The following CSMD3 variants were observed in gnomAD, a reference collection of about 807,000 sequenced individuals.
CSMD3 encodes CUB and Sushi multiple domains 3, also known as CUB and sushi domain-containing protein 3.
CSMD3 carries 177 observed loss-of-function variants against 435.2 expected under a neutral mutation model. The ratio of observed to expected loss-of-function variants is 0.41; its 90% CI spans 0.36 to 0.46. The LOEUF (loss-of-function observed/expected upper bound fraction) is 0.46, where lower values mean the gene tolerates loss of function less well. Ranked by LOEUF, CSMD3 falls within the 20% of genes least tolerant of loss-of-function variation. CSMD3 has a pLI of 0.34. For synonymous variants in CSMD3, 1,656 were observed against 1,520.5 expected (o/e 1.09, Z -2.07); for missense variants, 4,265 against 4,504.6 (o/e 0.95, Z 1.52).
chr8:112,244,068 G>A (rs967689673), intron 65 of CSMD3, among the ~76,000 whole-genome samples: 5 of 152,100 alleles, frequency 3.3e-5, no homozygotes, highest in Non-Finnish European at 1.5e-5. Flanking sequence ...TCAGAATTGT[G>A]AAGGAATAAA....
chr8:112,394,746 C>T (rs1351942845), intron 35 of CSMD3, among the ~76,000 whole-genome samples: 1 of 152,186 alleles, frequency 6.6e-6, no homozygotes, highest in Non-Finnish European at 1.5e-5. Context: ...AGCATTCTCA[C>T]TCCCCAAAAG....
chr8:112,693,497 C>A (rs1306747519), intron 13 of CSMD3, among the ~76,000 whole-genome samples: 6 of 152,004 alleles, frequency 3.9e-5, no homozygotes, highest in African/African-American at 1.4e-4. Flanking sequence ...ATTATCCATC[C>A]ACTATTCCTG....
intron 27 of CSMD3, among the ~76,000 whole-genome samples, chr8:112,535,287 C>A (rs1241487337): frequency 2.5e-3 from 383 of 152,056 alleles, no homozygotes; most frequent in African/African-American, 7.8e-3. Flanking sequence ...GTCTCAGCCC[C>A]AAATCTCCTT....
intron 5 of CSMD3, among the ~76,000 whole-genome samples, chr8:113,021,982 A>T (rs1404691726): frequency 6.6e-6 from 1 of 152,200 alleles, no homozygotes; most frequent in Non-Finnish European, 1.5e-5. Context: ...AGAGAGAAAT[A>T]TACAGTCATT....
At chr8:112,431,640 G>C (rs964742912) in intron 32 of CSMD3, among the ~76,000 whole-genome samples, 3 of 151,082 alleles carry the variant, frequency 2.0e-5, no homozygotes, top group Non-Finnish European at 4.4e-5. Context: ...ATATATGAAG[G>C]CCACCTTGAG....
intron 35 of CSMD3, among the ~76,000 whole-genome samples, chr8:112,394,415 T>G (rs1830701353): frequency 6.6e-6 from 1 of 152,166 alleles, no homozygotes; most frequent in Non-Finnish European, 1.5e-5. Flanking sequence ...ATTAAGATCA[T>G]ATCACTCCCC....
chr8:112,324,847 C>T (rs1823342537), intron 45 of CSMD3, among the ~76,000 whole-genome samples: 1 of 151,984 alleles, frequency 6.6e-6, no homozygotes, highest in Non-Finnish European at 1.5e-5. Context: ...TGGAAGAGAA[C>T]AAGAGTGGAT....
chr8:112,944,022 G>T (rs961483202), intron 9 of CSMD3, among the ~76,000 whole-genome samples: 6 of 151,708 alleles, frequency 4.0e-5, no homozygotes, highest in African/African-American at 1.2e-4. Flanking sequence ...AAACCAAGCA[G>T]ATTCATTATC....
intron 16 of CSMD3, among the ~76,000 whole-genome samples, chr8:112,675,352 A>G (rs2075748715): frequency 6.6e-6 from 1 of 152,140 alleles, no homozygotes; most frequent in South Asian, 2.1e-4. Flanking sequence ...AATGTATTTC[A>G]CTAAATGTAA....
At chr8:112,695,534 C>G (rs2076232590) in intron 13 of CSMD3, among the ~76,000 whole-genome samples, 1 of 152,082 alleles carries the variant, frequency 6.6e-6, no homozygotes, top group Admixed American at 6.6e-5. Context: ...TTCAACAGCC[C>G]TTCATGCTAA....
In CSMD3 at chr8:112,337,660, C is replaced by T. The variant is rs143690774; in HGVS notation, c.6724G>A (p.Val2242Met). 2 of 1,613,250 alleles carry T rather than the reference C, an allele frequency of 1.2e-6. No individual in the cohort carries two copies. The highest frequency in any genetic ancestry group is 1.7e-6 in the Non-Finnish European group (2 of 1,179,400). ...CATTCAAATGAAATGGTTTGACCCA[C>T]AGTAAAATCATTACCAATTACAAAA... is the stretch of plus-strand genomic sequence containing the variant. ...NGFVIGNDFT[V>M]GQTISFECFP... The change falls in exon 43 of 71, where the codon GTG (valine) becomes ATG (methionine). Residue 2242 changes from valine to methionine, a missense_variant. This residue lies in a region of CSMD3 where 3,255 missense variants were observed against 3,380.2 expected (regional missense o/e 0.96). Transcript: ENST00000297405.
intron 30 of CSMD3, among the ~76,000 whole-genome samples, chr8:112,502,939 T>C (rs779850781): frequency 1.4e-4 from 22 of 152,176 alleles, no homozygotes; most frequent in African/African-American, 4.6e-4. Context: ...TCTGTTCCTA[T>C]AGACATAAAC....
Position 112,592,258 on chromosome 8 carries a change from C to T in CSMD3, c.3716-5023G>A, listed in dbSNP as rs1298876851. Among the ~76,000 whole-genome samples the T allele has an allele frequency of 3.3e-5, 5 of 151,800 alleles. No homozygotes were observed. The South Asian group carries it at 6.2e-4, about 19-fold the overall frequency. On this transcript the variant is annotated intron_variant, in intron 22 of 70. Transcript: ENST00000297405. Reference sequence around the variant, plus strand: ...TAGGGTAGAAAGATACATTAATTTCCTTATGCCCCTACTGAGAATATGAGA... The same window carrying T: ...TAGGGTAGAAAGATACATTAATTTCTTTATGCCCCTACTGAGAATATGAGA...
At chr8:112,663,403 A>G (rs1348244713) in intron 17 of CSMD3, among the ~76,000 whole-genome samples, 3 of 146,780 alleles carry the variant, frequency 2.0e-5, no homozygotes, top group Non-Finnish European at 4.5e-5. Context: ...ACCAAACACC[A>G]CATGTCCTCA....
At chr8:113,403,586 T>C (rs1377800028) in intron 1 of CSMD3, among the ~76,000 whole-genome samples, 3 of 151,434 alleles carry the variant, frequency 2.0e-5, no homozygotes, top group African/African-American at 4.8e-5. Flanking sequence ...TAAAGCATGA[T>C]TGCTTTCTGT....
intron 5 of CSMD3, among the ~76,000 whole-genome samples, chr8:113,080,632 C>T (rs557178220): frequency 3.3e-5 from 5 of 152,194 alleles, no homozygotes; most frequent in African/African-American, 1.2e-4. Context: ...AGATTTTCTA[C>T]TACTATGAAT....
intron 5 of CSMD3, among the ~76,000 whole-genome samples, chr8:113,022,011 T>C (rs1239134525): frequency 6.6e-6 from 1 of 152,166 alleles, no homozygotes; most frequent in Non-Finnish European, 1.5e-5. Context: ...GCGAGTCACA[T>C]GGGCTTTGAA....
intron 1 of CSMD3, among the ~76,000 whole-genome samples, chr8:113,406,125 G>A (rs2094531789): frequency 6.6e-6 from 1 of 151,830 alleles, no homozygotes; most frequent in Non-Finnish European, 1.5e-5. Flanking sequence ...TGAAAAAAGT[G>A]TTTTACATAT....
At chr8:112,477,809 AC>A (rs1389432423) in intron 31 of CSMD3, among the ~76,000 whole-genome samples, 1 of 152,200 alleles carries the variant, frequency 6.6e-6, no homozygotes, top group Non-Finnish European at 1.5e-5. Context: ...TTATAGTAAT[AC>A]AAACAGACTA....
Sources: allele counts gnomAD v4.1 joint callset (sites outside exome capture counted in the v4.1 genomes callset), GRCh38; gene constraint gnomAD v4.1.1; regional missense constraint gnomAD v4.1.1; transcripts MANE v1.5; gene names NCBI Gene and HGNC (gene_info 2026-07-23, HGNC 2026-07-21).